Variants in RALY observed in about 807,000 individuals in gnomAD.
RALY encodes RALY heterogeneous nuclear ribonucleoprotein.
In RALY, 15 loss-of-function variants were observed where a neutral mutation model predicts 30.7. The ratio of observed to expected loss-of-function variants is 0.49; its 90% confidence interval spans 0.33 to 0.75. The LOEUF is 0.75. RALY is among the 30% of genes least tolerant of loss of function. The pLI, the probability that RALY is intolerant of heterozygous loss-of-function variation, is 0.02. For synonymous variants in RALY, 177 were observed against 170.8 expected (o/e 1.04, Z -0.28); for missense variants, 339 against 414.3 (o/e 0.82, Z 1.58).
Position 34,073,602 on chromosome 20 carries a change from A to G in RALY, c.296A>G (p.Lys99Arg), listed in dbSNP as rs2033792175. ...GGAGAGCCTAAGCCTGACAGACCCA[A>G]GGGGCTAAAGAGAGCAGCATCTGCC... The part of the protein sequence containing the change: ...MAGEPKPDRP[K>R]GLKRAASAIY... Residue 99 changes from lysine (K) to arginine (R), a missense_variant, in exon 4 of 10, where the codon AAG (lysine) becomes AGG (arginine). Transcript: ENST00000246194. 6.2e-7 allele frequency: 1 copy of G among 1,606,084 alleles called. No homozygotes were observed. The highest frequency in any genetic ancestry group is 1.3e-5 in the African/African-American group (1 of 74,900).
intron 8 of RALY, 23 bp downstream of exon 8, chr20:34,077,268 G>C (rs752308098): frequency 6.2e-7 from 1 of 1,612,790 alleles, no homozygotes; most frequent in Non-Finnish European, 8.5e-7. Context: ...CCAGGGGCAC[G>C]ACTGGGACTC....
At chr20:34,008,518 T>G (rs1384405084) in intron 1 of RALY, among the ~76,000 whole-genome samples, 1 of 152,212 alleles carries the variant, frequency 6.6e-6, no homozygotes, top group Non-Finnish European at 1.5e-5. Context: ...TCATCCTCAT[T>G]GGGAAGTCCT....
intron 2 of RALY, among the ~76,000 whole-genome samples, chr20:34,071,615 A>T (rs762944994): frequency 2.0e-5 from 3 of 152,144 alleles, no homozygotes; most frequent in Non-Finnish European, 4.4e-5. Flanking sequence ...TCTAGAGTAA[A>T]CATCACTTGC....
chr20:34,005,803 T>C (rs2031131982), intron 1 of RALY, among the ~76,000 whole-genome samples: 2 of 152,182 alleles, frequency 1.3e-5, no homozygotes, highest in South Asian at 2.1e-4. Context: ...TTTATAGTCT[T>C]CACAGATACG....
At chr20:34,049,752 A>G (rs1568680575) in intron 2 of RALY, among the ~76,000 whole-genome samples, 2 of 152,228 alleles carry the variant, frequency 1.3e-5, no homozygotes. Context: ...CAGATGAGGA[A>G]ACTGAGAGAG....
At chr20:34,032,567 G>A (rs1261514030) in intron 2 of RALY, among the ~76,000 whole-genome samples, 2 of 151,670 alleles carry the variant, frequency 1.3e-5, no homozygotes, top group African/African-American at 4.8e-5. Context: ...GCCCAGGCTG[G>A]TCTCAAACTC....
At chr20:34,002,891 GAAATA>G (rs2030983698) in intron 1 of RALY, among the ~76,000 whole-genome samples, 1 of 152,154 alleles carries the variant, frequency 6.6e-6, no homozygotes, top group African/African-American at 2.4e-5. Flanking sequence ...GCTCTATTTT[GAAATA>G]AAATAGCTCT....
chr20:34,045,681 T>A (rs2032856342), intron 2 of RALY, among the ~76,000 whole-genome samples: 1 of 152,210 alleles, frequency 6.6e-6, no homozygotes, highest in Admixed American at 6.5e-5. Flanking sequence ...TTTAATACCT[T>A]CATTTTCTTC....
intron 2 of RALY, among the ~76,000 whole-genome samples, chr20:34,071,300 T>C (rs546563603): frequency 8.4e-4 from 128 of 152,054 alleles, no homozygotes; most frequent in Non-Finnish European, 1.5e-3. Flanking sequence ...CTTTTCTTTT[T>C]TTTTTTTAGA....
intron 1 of RALY, among the ~76,000 whole-genome samples, chr20:34,023,619 G>A (rs553609905): frequency 2.0e-5 from 3 of 152,086 alleles, no homozygotes; most frequent in African/African-American, 4.8e-5. Context: ...CTAAGGCAGG[G>A]GCTCTCATGT....
intron 1 of RALY, among the ~76,000 whole-genome samples, chr20:34,027,071 T>G (rs1010673487): frequency 8.5e-5 from 13 of 152,124 alleles, no homozygotes; most frequent in African/African-American, 3.1e-4. Context: ...GGTCACAATC[T>G]TACGGAGAAG....
chr20:34,067,956 C>A (rs1261462116), intron 2 of RALY, among the ~76,000 whole-genome samples: 1 of 151,792 alleles, frequency 6.6e-6, no homozygotes, highest in Non-Finnish European at 1.5e-5. Flanking sequence ...GTAATCTTGT[C>A]TCTGCTACTC....
intron 2 of RALY, among the ~76,000 whole-genome samples, chr20:34,067,816 CTTTTT>C (rs11480087): frequency 1.3e-4 from 17 of 132,698 alleles, no homozygotes; most frequent in African/African-American, 4.6e-4. Context: ...TTTCTTTTTT[CTTTTT>C]TTTTTTTTTT....
rs528708319 is a variant in RALY, at chr20:33,997,142, G to A, written c.-93+3011G>A. On this transcript the variant is annotated intron_variant, in intron 1 of 9. Transcript: ENST00000246194. ...ATACCCTGTTTTTTTTGGAGACGGA[G>A]TCTCACTCCGTCGCCCAGGCTGGAT... 2.5e-4 allele frequency among the ~76,000 whole-genome samples: 38 copies of A among 152,150 alleles called. 1 individual carries two copies. The South Asian group carries it at 7.7e-3, about 31-fold the overall frequency.
At position 34,040,041 on chromosome 20, in the gene RALY, G is replaced by A. The variant is rs547361869; in HGVS notation, c.-10+8437G>A. Among the ~76,000 whole-genome samples the A allele has an allele frequency of 7.2e-5, 11 of 152,124 alleles. No individual in the cohort carries two copies. In the East Asian group the frequency reaches 1.9e-3, roughly 27 times the overall value. ...CAGGAGAATCGCTTGAACCCAGGAG[G>A]CGGAGGTTGCAGTGAGCAGAGATCC... On this transcript the variant is annotated intron_variant, in intron 2 of 9. Coordinates refer to ENST00000246194, the MANE Select transcript of RALY (RefSeq NM_016732.3).
intron 1 of RALY, among the ~76,000 whole-genome samples, chr20:34,016,880 C>T (rs1383566913): frequency 6.6e-6 from 1 of 152,282 alleles, no homozygotes; most frequent in African/African-American, 2.4e-5. Context: ...ACTGACACAG[C>T]TCCTAATTAG....
chr20:34,010,828 A>G (rs1233387062), intron 1 of RALY, among the ~76,000 whole-genome samples: 3 of 152,158 alleles, frequency 2.0e-5, no homozygotes, highest in Admixed American at 6.5e-5. Context: ...AACTTGCCTA[A>G]GGGATTGCTG....
At chr20:33,999,282 A>G (rs969524771) in intron 1 of RALY, among the ~76,000 whole-genome samples, 1 of 152,138 alleles carries the variant, frequency 6.6e-6, no homozygotes, top group African/African-American at 2.4e-5. Flanking sequence ...ACACAGGAGA[A>G]GAAGGAGCAC....
intron 1 of RALY, among the ~76,000 whole-genome samples, chr20:34,004,343 C>A (rs188445990): frequency 6.6e-6 from 1 of 152,206 alleles, no homozygotes; most frequent in South Asian, 2.1e-4. Context: ...TCAATATTGC[C>A]ATGTCTGTAC....
Sources: allele counts gnomAD v4.1 joint callset (sites outside exome capture counted in the v4.1 genomes callset), GRCh38; gene constraint gnomAD v4.1.1; transcripts MANE v1.5; gene names NCBI Gene and HGNC (gene_info 2026-07-23, HGNC 2026-07-21).